Variants in CASZ1 observed in about 807,000 individuals in gnomAD.
CASZ1 encodes zinc finger protein castor homolog 1.
A neutral mutation model predicts 135.2 loss-of-function variants in CASZ1; 28 were observed. The observed-to-expected ratio is 0.21, with a 90% CI of 0.15 to 0.28. The LOEUF (loss-of-function observed/expected upper bound fraction) is 0.28, where lower values mean the gene tolerates loss of function less well. Among genes scored for constraint, CASZ1 ranks in the 10% least tolerant of loss-of-function variants. The pLI is 1.00. For synonymous variants in CASZ1, 1,068 were observed against 1,073.4 expected (o/e 0.99, Z 0.10); for missense variants, 2,161 against 2,453.3 (o/e 0.88, Z 2.52).
rs1337524765 is a variant in CASZ1, at chr1:10,699,712, GAGA to G, written c.-24+5777_-24+5779del. On this transcript the variant is annotated intron_variant, in intron 3 of 20. Coordinates refer to ENST00000377022, the MANE Select transcript of CASZ1 (RefSeq NM_001079843.3). This position sits in a 1 kb window ranked among gnomAD's most constrained non-coding sequence, Gnocchi z 4.6. ...CCGGATCCTCCACTTTGGAGGGAGA[GAGA>G]AGGAGGAAAAAACCCCAAACCAAAA... Among the ~76,000 whole-genome samples, 3 of 152,158 alleles carry G rather than the reference GAGA, an allele frequency of 2.0e-5. No homozygotes were observed. Among genetic ancestry groups the G allele is most frequent in the Admixed American group, 1.3e-4 (2 of 15,272 alleles).
Position 10,700,792 on chromosome 1 carries a change from C to T in CASZ1, c.-24+4700G>A, listed in dbSNP as rs1226188008. ...ACTGCTAATGAGTACAGGGTTTCTT[C>T]CTGGGGGAATGAAAATGTTCTAAAA... On this transcript the variant is annotated intron_variant, in intron 3 of 20. Transcript: ENST00000377022. The surrounding 1 kb of genome is among the most constrained non-coding windows in gnomAD (Gnocchi z 4.2). 6.6e-6 allele frequency among the ~76,000 whole-genome samples: 1 copy of T among 152,144 alleles called. No homozygotes were observed. The highest frequency in any genetic ancestry group is 1.5e-5 in the Non-Finnish European group (1 of 68,038).
chr1:10,639,272 G>T lies in CASZ1; in HGVS notation c.4950C>A (p.Gly1650=). ...GLALGDAGDP[G]PPDAAAPGPR... is the part of the protein sequence containing the mutation. ...GCCCGGGGGCGGCGGCGTCGGGCGG[G>T]CCGGGGTCGCCCGCGTCGCCCAGCG... Residue 1650 remains glycine (G), a synonymous_variant, in exon 21 of 21, where the codon GGC becomes GGA. Coordinates refer to ENST00000377022, the MANE Select transcript of CASZ1 (RefSeq NM_001079843.3). The surrounding 1 kb of genome is among the most constrained non-coding windows in gnomAD (Gnocchi z 4.0). The T allele has an allele frequency of 9.3e-7, 1 of 1,076,132 alleles. No homozygotes were observed. The highest frequency in any genetic ancestry group is 1.1e-6 in the Non-Finnish European group (1 of 883,516). The allele number at this position is 1,076,132 out of a possible 1,614,324, so 66.7% of individuals were successfully genotyped here.
chr1:10,793,545 A>G (rs1300100664), intron 1 of CASZ1, among the ~76,000 whole-genome samples: 2 of 152,250 alleles, frequency 1.3e-5, no homozygotes, highest in East Asian at 3.8e-4. Flanking sequence ...GAAAGAGATC[A>G]GTTTAACATC....
intron 6 of CASZ1, among the ~76,000 whole-genome samples, chr1:10,659,459 G>A (rs552799633): frequency 1.3e-5 from 2 of 152,190 alleles, no homozygotes; most frequent in Non-Finnish European, 2.9e-5. Context: ...GCGGGGGGGC[G>A]CTGCAGGAGG....
chr1:10,654,279 T>C, intron 10 of CASZ1, 61 bp from the exon 11 acceptor site: 1 of 1,592,698 alleles, frequency 6.3e-7, no homozygotes, highest in Non-Finnish European at 8.6e-7. Flanking sequence ...TGCTACACCA[T>C]GGCCCTGGGA....
At chr1:10,722,858 CA>C (rs1416093752) in intron 2 of CASZ1, among the ~76,000 whole-genome samples, 1 of 152,242 alleles carries the variant, frequency 6.6e-6, no homozygotes, top group Non-Finnish European at 1.5e-5. Context: ...CTCTCCCCCC[CA>C]AAAAGGCCTG....
Position 10,703,795 on chromosome 1 carries a change from G to A in CASZ1, c.-24+1697C>T, listed in dbSNP as rs775496231. Among the ~76,000 whole-genome samples the A allele has an allele frequency of 1.2e-4, 19 of 152,324 alleles. 1 individual carries two copies. Among genetic ancestry groups the A allele is most frequent in the East Asian group, 1.2e-3 (6 of 5,188 alleles). ...AGGCTTTGTGAGCCAAACAGTCTCC[G>A]TTGTAGCCATTCAACTCTCTCTGCA... On this transcript the variant is annotated intron_variant, in intron 3 of 20. Transcript: ENST00000377022.
Position 10,660,332 on chromosome 1 carries a change from G to A in CASZ1, c.710C>T (p.Ser237Phe), listed in dbSNP as rs763895104. 3.7e-6 allele frequency: 6 copies of A among 1,614,158 alleles called. No homozygotes were observed. Among genetic ancestry groups the A allele is most frequent in the Non-Finnish European group, 5.1e-6 (6 of 1,180,032 alleles). The change falls in exon 6 of 21, where the codon TCT (serine) becomes TTT (phenylalanine). Residue 237 changes from serine (S) to phenylalanine (F), a missense_variant. By Grantham distance (155) the Ser-to-Phe change is radical. This residue lies in a region of CASZ1 where 590 missense variants were observed against 609.8 expected (regional missense o/e 0.97). Coordinates refer to ENST00000377022, the MANE Select transcript of CASZ1 (RefSeq NM_001079843.3). The part of the protein sequence containing the change: ...EDTLSKRARF[S>F]KYEEYIRKLK... ...CTTGCGGATGTACTCCTCATACTTA[G>A]AGAACCGCGCCCGCTTGCTGAGGGT...
intron 2 of CASZ1, among the ~76,000 whole-genome samples, chr1:10,743,945 T>C (rs1046378243): frequency 7.9e-5 from 12 of 151,550 alleles, no homozygotes; most frequent in Non-Finnish European, 1.5e-4. Flanking sequence ...GTGAAGGATA[T>C]AAAAAATCCA....
At chr1:10,738,367 C>T (rs1639842325) in intron 2 of CASZ1, among the ~76,000 whole-genome samples, 1 of 152,250 alleles carries the variant, frequency 6.6e-6, no homozygotes, top group East Asian at 1.9e-4. Context: ...CCCACCCCCT[C>T]CTTTTGGTGC....
chr1:10,779,056 T>A (rs1360051447), intron 1 of CASZ1, among the ~76,000 whole-genome samples: 3 of 152,076 alleles, frequency 2.0e-5, no homozygotes, highest in African/African-American at 4.8e-5. Flanking sequence ...TTTGCTTTGG[T>A]TCACATTTAT....
At chr1:10,738,343 C>T (rs903148362) in intron 2 of CASZ1, among the ~76,000 whole-genome samples, 76 of 152,338 alleles carry the variant, frequency 5.0e-4, no homozygotes, top group Middle Eastern at 6.8e-3. Context: ...CCCGGAAGGA[C>T]GCAGAGCACC....
Position 10,682,135 on chromosome 1 carries a change from C to T in CASZ1, c.16+11739G>A, listed in dbSNP as rs34761175. 3.9e-4 allele frequency among the ~76,000 whole-genome samples: 59 copies of T among 152,116 alleles called. 1 individual carries two copies. The highest frequency in any genetic ancestry group is 1.3e-3 in the African/African-American group (56 of 41,536). On this transcript the variant is annotated intron_variant, in intron 4 of 20. Coordinates refer to ENST00000377022, the MANE Select transcript of CASZ1 (RefSeq NM_001079843.3). ...CCCACCATCTCCCTACATCCACTTT[C>T]AAGTTTGTCTGAAAATGTTATAAAC...
At chr1:10,752,022 G>T (rs1215987705) in intron 2 of CASZ1, among the ~76,000 whole-genome samples, 2 of 152,178 alleles carry the variant, frequency 1.3e-5, no homozygotes, top group Non-Finnish European at 2.9e-5. Flanking sequence ...ACTCCAGACT[G>T]GCCCTCCCCT....
intron 3 of CASZ1, among the ~76,000 whole-genome samples, chr1:10,695,678 G>A (rs1232964692): frequency 6.6e-6 from 1 of 151,604 alleles, no homozygotes; most frequent in Non-Finnish European, 1.5e-5. Flanking sequence ...GCTTTGTGCT[G>A]CCCGTGCTCC....
In CASZ1 at chr1:10,646,478, C is replaced by T; in HGVS notation, c.3498-152G>A. ...GCTGCTGTCCTGCTCAACAGGATGA[C>T]TCAGCTGGAGACTACAGATCCCAGC... On this transcript the variant is annotated intron_variant, in intron 16 of 20. Transcript: ENST00000377022. This position sits in a 1 kb window ranked among gnomAD's most constrained non-coding sequence, Gnocchi z 6.4. 1 of 715,962 alleles carries T rather than the reference C, an allele frequency of 1.4e-6. No individual in the cohort carries two copies. The highest frequency in any genetic ancestry group is 2.4e-6 in the Non-Finnish European group (1 of 413,698). The allele number at this position is 715,962 out of a possible 1,614,324, so 44.4% of individuals were successfully genotyped here. A position where few individuals can be genotyped will look rare whatever the true frequency, so the allele number is the denominator to read the frequency against.
At chr1:10,671,093 A>AT (rs1267906137) in intron 4 of CASZ1, among the ~76,000 whole-genome samples, 1 of 152,088 alleles carries the variant, frequency 6.6e-6, no homozygotes, top group Non-Finnish European at 1.5e-5. Context: ...ATTTATTATG[A>AT]TTTTTTTAGT....
chr1:10,795,138 C>T (rs1392200129), intron 1 of CASZ1, among the ~76,000 whole-genome samples: 1 of 152,158 alleles, frequency 6.6e-6, no homozygotes, highest in Non-Finnish European at 1.5e-5. Context: ...CCGTCCGGCT[C>T]ACCCCGGGCG....
rs199633436 is a variant in CASZ1, at chr1:10,660,085, C to T, written c.957G>A (p.Leu319=). 2.0e-5 allele frequency: 33 copies of T among 1,614,194 alleles called. No individual in the cohort carries two copies. In the East Asian group the frequency reaches 7.4e-4, roughly 36 times the overall value. The change falls in exon 6 of 21, where the codon CTG becomes CTA. Residue 319 remains leucine, a synonymous_variant. Coordinates refer to ENST00000377022, the MANE Select transcript of CASZ1 (RefSeq NM_001079843.3). ...ASKYDFFIQK[L]KTGENLRPQN... ...GGGGCCGCAGATTCTCGCCGGTCTT[C>T]AGTTTTTGGATGAAGAAGTCGTACT...
Sources: allele counts gnomAD v4.1 joint callset (sites outside exome capture counted in the v4.1 genomes callset), GRCh38; gene constraint gnomAD v4.1.1; regional missense constraint gnomAD v4.1.1; non-coding constraint Gnocchi (gnomAD v3.1); transcripts MANE v1.5; gene names NCBI Gene and HGNC (gene_info 2026-07-23, HGNC 2026-07-21).